Variants in CDV3 observed in about 807,000 individuals in gnomAD.
CDV3 encodes protein CDV3 homolog.
A neutral mutation model predicts 24.5 loss-of-function variants in CDV3; 14 were observed. The observed-to-expected ratio is 0.57, with a 90% confidence interval of 0.38 to 0.89. CDV3 has a LOEUF of 0.89. CDV3 is among the 40% of genes least tolerant of loss of function. CDV3 has a pLI of 0.00. For missense variants in CDV3, 304 were observed against 310.2 expected (o/e 0.98, Z 0.15); for synonymous variants, 114 against 114.1 (o/e 1.00, Z 0.00).
intron 2 of CDV3, among the ~76,000 whole-genome samples, chr3:133,580,096 T>G (rs890860882): frequency 6.6e-6 from 1 of 152,146 alleles, no homozygotes; most frequent in African/African-American, 2.4e-5. Flanking sequence ...CATTAGGTAT[T>G]TCTCCTAACG....
chr3:133,586,695 C>T lies in CDV3; in HGVS notation c.599C>T (p.Ser200Leu). Residue 200 changes from serine (S) to leucine (L), a missense_variant, in exon 4 of 5, where the codon TCA becomes TTA. Ser to Leu is a moderately radical substitution (Grantham distance 145). Around this residue, in one of 3 missense-constraint regions of CDV3, gnomAD observed 29 missense variants for 55.8 expected, o/e 0.52. Transcript: ENST00000264993. ...GATACACAGTTCCCATCCCTGCAGT[C>T]AACTGCCAAGCATGTAGAAAGCCGG... Reference protein sequence around the residue: ...YSDTQFPSLQSTAKHVESRKD... With the variant: ...YSDTQFPSLQLTAKHVESRKD... 6.3e-7 allele frequency: 1 copy of T among 1,599,842 alleles called. No individual in the cohort carries two copies.
chr3:133,589,524 A>C lies in CDV3; in HGVS notation c.*1478A>C, dbSNP rs1251567474. 1 of 152,632 alleles carries C rather than the reference A, an allele frequency of 6.6e-6. No individual in the cohort carries two copies. Among genetic ancestry groups the C allele is most frequent in the Non-Finnish European group, 1.5e-5 (1 of 68,046 alleles). 9.5% of individuals were successfully genotyped at this position (152,632 alleles called of 1,614,324 possible). A position where few individuals can be genotyped will look rare whatever the true frequency, so the allele number is the denominator to read the frequency against. On this transcript the variant is annotated 3_prime_UTR_variant, in exon 5 of 5. Transcript: ENST00000264993. ...GTATCTGGTTCAATAGAAATATGTGAAAGTGGTAATGTCATCATTTGATGC... is the reference window on the plus strand; with the variant it reads ...GTATCTGGTTCAATAGAAATATGTGCAAGTGGTAATGTCATCATTTGATGC...
chr3:133,576,968 C>T lies in CDV3; in HGVS notation c.317+1853C>T, dbSNP rs539017881. 2.7e-4 allele frequency among the ~76,000 whole-genome samples: 41 copies of T among 149,554 alleles called. No homozygotes were observed. In the East Asian group the frequency reaches 7.4e-3, roughly 27 times the overall value. On this transcript the variant is annotated intron_variant, in intron 2 of 4. Coordinates refer to ENST00000264993, the MANE Select transcript of CDV3 (RefSeq NM_017548.5). ...TTTCAAGCGATTCTTCTGCCTCAGC[C>T]TCCCGAGTAGCTGGGATTACAGGCG... is the stretch of plus-strand genomic sequence containing the variant.
intron 2 of CDV3, among the ~76,000 whole-genome samples, chr3:133,579,078 G>A (rs1234686475): frequency 2.6e-5 from 4 of 152,166 alleles, no homozygotes; most frequent in Admixed American, 2.6e-4. Flanking sequence ...TTGTAGCCCT[G>A]GGGAAGGTAC....
In CDV3 at chr3:133,590,062, G is replaced by C. The variant is rs1259035815; in HGVS notation, c.*2016G>C. ...TGTACTCGAAATCTGAAGACCTGCA[G>C]CAGATTTAAATTACAACTCTTGTTA... On this transcript the variant is annotated 3_prime_UTR_variant, in exon 5 of 5. Transcript: ENST00000264993. 5.3e-5 allele frequency: 8 copies of C among 152,160 alleles called. No individual in the cohort carries two copies. The highest frequency in any genetic ancestry group is 8.8e-5 in the Non-Finnish European group (6 of 68,028). 9.4% of individuals were successfully genotyped at this position (152,160 alleles called of 1,614,324 possible). A position where few individuals can be genotyped will look rare whatever the true frequency, so the allele number is the denominator to read the frequency against.
At chr3:133,585,432 C>T (rs1222725174) in intron 3 of CDV3, among the ~76,000 whole-genome samples, 4 of 151,734 alleles carry the variant, frequency 2.6e-5, no homozygotes, top group East Asian at 1.9e-4. Flanking sequence ...CTGCCCGCCT[C>T]GGCCTCCCAA....
intron 2 of CDV3, among the ~76,000 whole-genome samples, chr3:133,580,659 G>A (rs566212497): frequency 6.6e-6 from 1 of 152,076 alleles, no homozygotes; most frequent in East Asian, 1.9e-4. Context: ...CCAAGATCAG[G>A]CCATTGCACT....
At chr3:133,580,824 G>A (rs912914499) in intron 2 of CDV3, among the ~76,000 whole-genome samples, 2 of 152,176 alleles carry the variant, frequency 1.3e-5, no homozygotes, top group Admixed American at 6.5e-5. Context: ...TAGGGCATGA[G>A]CCACTGCACC....
intron 4 of CDV3, chr3:133,587,083 G>GGT (rs752720713): frequency 3.0e-5 from 22 of 726,812 alleles, no homozygotes; most frequent in Non-Finnish European, 4.4e-5. Flanking sequence ...CTGTTTAATT[G>GGT]TATTCCCAGT....
At chr3:133,577,166 T>G (rs2074847485) in intron 2 of CDV3, among the ~76,000 whole-genome samples, 1 of 151,890 alleles carries the variant, frequency 6.6e-6, no homozygotes, top group Non-Finnish European at 1.5e-5. Flanking sequence ...TTTATATTGT[T>G]TTTTTTGTTT....
intron 2 of CDV3, among the ~76,000 whole-genome samples, chr3:133,579,922 C>T (rs1461431508): frequency 2.0e-5 from 3 of 152,128 alleles, no homozygotes; most frequent in Non-Finnish European, 2.9e-5. Context: ...ACAATTTCCA[C>T]ATGTTTAGTT....
chr3:133,587,442 C>CT (rs945638437), intron 4 of CDV3: 122 of 1,157,658 alleles, frequency 1.1e-4, no homozygotes, highest in Non-Finnish European at 1.3e-4. Flanking sequence ...TCACCACACT[C>CT]GAGTTTCTTT....
chr3:133,589,272 G>A lies in CDV3; in HGVS notation c.*1226G>A, dbSNP rs185283754. The A allele has an allele frequency of 1.4e-4, 21 of 152,796 alleles. No individual in the cohort carries two copies. In the East Asian group the frequency reaches 3.5e-3, roughly 25 times the overall value. 9.5% of individuals were successfully genotyped at this position (152,796 alleles called of 1,614,324 possible). A position where few individuals can be genotyped will look rare whatever the true frequency, so the allele number is the denominator to read the frequency against. On this transcript the variant is annotated 3_prime_UTR_variant, in exon 5 of 5. Coordinates refer to ENST00000264993, the MANE Select transcript of CDV3 (RefSeq NM_017548.5). ...TTTTCAAGGTATTGGCTGTTCTATAGATGCAGTGATTGTCCCAGCTAGCTC... is the reference window on the plus strand; with the variant it reads ...TTTTCAAGGTATTGGCTGTTCTATAAATGCAGTGATTGTCCCAGCTAGCTC...
intron 2 of CDV3, 85 bp downstream of exon 2, chr3:133,575,200 C>G: frequency 1.3e-6 from 1 of 750,020 alleles, no homozygotes; most frequent in Non-Finnish European, 2.4e-6. Flanking sequence ...CCCAAAGCAG[C>G]ATCATAGTAG....
At chr3:133,587,121 G>T (rs769172577) in intron 4 of CDV3, 2 of 1,063,320 alleles carry the variant, frequency 1.9e-6, no homozygotes, top group South Asian at 4.7e-5. Context: ...GAAGATGTTG[G>T]CATTTATAAA....
intron 2 of CDV3, among the ~76,000 whole-genome samples, chr3:133,579,885 G>T (rs1320168001): frequency 6.6e-6 from 1 of 152,100 alleles, no homozygotes; most frequent in Non-Finnish European, 1.5e-5. Flanking sequence ...GAGCCACTGC[G>T]CCCGGCTGAT....
Position 133,589,745 on chromosome 3 carries a change from C to G in CDV3, c.*1699C>G, listed in dbSNP as rs1243700509. The G allele has an allele frequency of 2.6e-5, 4 of 152,662 alleles. No homozygotes were observed. In the East Asian group the frequency reaches 7.7e-4, roughly 29 times the overall value. The allele number at this position is 152,662 out of a possible 1,614,324, so 9.5% of individuals were successfully genotyped here. A position where few individuals can be genotyped will look rare whatever the true frequency, so the allele number is the denominator to read the frequency against. On this transcript the variant is annotated 3_prime_UTR_variant, in exon 5 of 5. Coordinates refer to ENST00000264993, the MANE Select transcript of CDV3 (RefSeq NM_017548.5). ...GGGTTACAGTATCTCCTGACGGGAC[C>G]TGCCACTCGCATCTGGGCAATGTTG...
rs576362228 is a variant in CDV3, at chr3:133,583,592, ACG to A, written c.318-408_318-407del. 2.4e-3 allele frequency among the ~76,000 whole-genome samples: 360 copies of A among 152,118 alleles called. 2 individuals are homozygous for A. Among genetic ancestry groups the A allele is most frequent in the Non-Finnish European group, 3.4e-3 (228 of 67,986 alleles). Reference sequence around the variant, plus strand: ...TTATTTTTATTTTTTTGAGACAGTCACGCTCTGTCGCCCAGGAGGGAGTGCAG... The same window carrying A: ...TTATTTTTATTTTTTTGAGACAGTCACTCTGTCGCCCAGGAGGGAGTGCAG... On this transcript the variant is annotated intron_variant, in intron 2 of 4. Transcript: ENST00000264993.
intron 2 of CDV3, among the ~76,000 whole-genome samples, chr3:133,576,265 T>A (rs1450080553): frequency 6.6e-6 from 1 of 152,218 alleles, no homozygotes; most frequent in Non-Finnish European, 1.5e-5. Flanking sequence ...TGAGATTTCT[T>A]TGTAGTGGTG....
Sources: gnomAD v4.1 joint callset for allele counts (sites outside exome capture counted in the v4.1 genomes callset) on GRCh38, gnomAD v4.1.1 for gene constraint, gnomAD v4.1.1 regional missense constraint, MANE v1.5 for transcripts, NCBI Gene and HGNC (gene_info 2026-07-23, HGNC 2026-07-21) for gene names.